Variants in MDN1 observed in about 807,000 individuals in gnomAD.
MDN1 encodes the protein midasin.
Under a neutral mutation model 669.2 loss-of-function variants are expected in MDN1, and 266 were observed. The ratio of observed to expected loss-of-function variants is 0.40; its 90% CI spans 0.36 to 0.44. MDN1 has a LOEUF of 0.44. Among genes scored for constraint, MDN1 ranks in the 20% least tolerant of loss-of-function variants. MDN1 has a pLI of 1.00. For missense variants in MDN1, 5,940 were observed against 6,754.0 expected (o/e 0.88, Z 4.22); for synonymous variants, 2,385 against 2,457.1 (o/e 0.97, Z 0.87).
chr6:89,735,016 A>G (rs7776210), intron 33 of MDN1, among the ~76,000 whole-genome samples: 128,311 of 151,532 alleles, frequency 0.85, 54,471 homozygotes, highest in East Asian at 1. Context: ...TCAGCCTCCC[A>G]AGTAGCTGGG....
rs374781307 is a variant in MDN1 at position 89,720,030 on chromosome 6, AAAAT to A, written c.5968-809_5968-806del. 4.8e-4 allele frequency among the ~76,000 whole-genome samples: 73 copies of A among 152,346 alleles called. 1 individual carries two copies. In the East Asian group the frequency reaches 8.7e-3, roughly 18 times the overall value. On this transcript the variant is annotated intron_variant, in intron 40 of 101. Transcript: ENST00000369393. Reference sequence around the variant, plus strand: ...AGTAGGGAAAATTAAAGCCAGAAAAAAAATAAATAAAGTATACAAAATAGTATTT... The same window carrying A: ...AGTAGGGAAAATTAAAGCCAGAAAAAAAATAAAGTATACAAAATAGTATTT...
chr6:89,796,341 A>AAAAAAAAAAAAAAAAAAAAAAAAC (rs1819607510), intron 2 of MDN1, among the ~76,000 whole-genome samples: 1 of 110,214 alleles, frequency 9.1e-6, no homozygotes, highest in Non-Finnish European at 1.8e-5. Flanking sequence ...AAAAAAAAAA[A>AAAAAAAAAAAAAAAAAAAAAAAAC]AAAAAAAAAC....
intron 78 of MDN1, among the ~76,000 whole-genome samples, chr6:89,675,002 T>A (rs1477565171): frequency 6.6e-6 from 1 of 152,238 alleles, no homozygotes; most frequent in Non-Finnish European, 1.5e-5. Flanking sequence ...TTTGTTTCCA[T>A]TGAGGAGCCT....
chr6:89,710,850 C>T (rs750321559), intron 49 of MDN1, 56 bp from the exon 50 acceptor site: 80 of 1,017,568 alleles, frequency 7.9e-5, no homozygotes, highest in Middle Eastern at 2.0e-4. Flanking sequence ...TCCAATTGAA[C>T]GTTCTGCAGT....
At chr6:89,673,606 G>A (rs568719247) in intron 79 of MDN1, 144 bp from the exon 80 acceptor site, 42 of 677,574 alleles carry the variant, frequency 6.2e-5, no homozygotes, top group South Asian at 6.0e-4. Flanking sequence ...ACAAAGTGCT[G>A]TGCAGGTCCA....
chr6:89,670,164 ATATATATTTTTTTTTT>A (rs1454747790), intron 83 of MDN1, among the ~76,000 whole-genome samples: 3 of 18,272 alleles, frequency 1.6e-4, no homozygotes, highest in African/African-American at 7.6e-4. Context: ...ATATATATAT[ATATATATTTTTTTTTT>A]TTTTTTTTTT....
chr6:89,817,262 T>C (rs1156981620), intron 1 of MDN1, among the ~76,000 whole-genome samples: 2 of 152,244 alleles, frequency 1.3e-5, no homozygotes, highest in African/African-American at 4.8e-5. Flanking sequence ...CCATGGTCAC[T>C]CACATTTAGC....
At chr6:89,755,203 A>G (rs1346210041) in intron 20 of MDN1, among the ~76,000 whole-genome samples, 1 of 152,122 alleles carries the variant, frequency 6.6e-6, no homozygotes, top group Non-Finnish European at 1.5e-5. Flanking sequence ...GTGGTAAACC[A>G]TTCTGAAGCA....
chr6:89,664,548 A>ATTAT lies in MDN1; in HGVS notation c.14171_14174dup (p.Asn4725LysfsTer2). On this transcript the variant is annotated stop_gained and frameshift_variant, in exon 85 of 102. Transcript: ENST00000369393. LOFTEE classifies it high-confidence loss of function. ...CAAAATCTTCCGACATCTCAATGGC[A>ATTAT]TTATCCTCGCCCTTAATATCAGATT... 6.2e-7 allele frequency: 1 copy of ATTAT among 1,614,040 alleles called. No individual in the cohort carries two copies. Among genetic ancestry groups the ATTAT allele is most frequent in the Non-Finnish European group, 8.5e-7 (1 of 1,179,896 alleles).
chr6:89,798,963 T>C (rs1767457614), intron 2 of MDN1, among the ~76,000 whole-genome samples: 2 of 152,300 alleles, frequency 1.3e-5, no homozygotes, highest in South Asian at 2.1e-4. Context: ...AAATAGGTAT[T>C]ATACTATTAG....
At position 89,688,161 on chromosome 6, in the gene MDN1, T is replaced by G. The variant is rs1812147028; in HGVS notation, c.11272A>C (p.Met3758Leu). The G allele has an allele frequency of 5.0e-6, 8 of 1,613,934 alleles. No individual in the cohort carries two copies. The highest frequency in any genetic ancestry group is 6.8e-6 in the Non-Finnish European group (8 of 1,179,878). Residue 3758 changes from methionine (M) to leucine (L), a missense_variant, in exon 67 of 102, where the codon ATG becomes CTG. Met to Leu is a conservative substitution (Grantham distance 15). Transcript: ENST00000369393. Reference protein sequence around the residue: ...HPALEQLLVVMDRIRSFPLSS... With the variant: ...HPALEQLLVVLDRIRSFPLSS... ...AGTGGGAAACTACGAATTCTGTCCA[T>G]TACAACCAGGAGCTGCAGAAATAAA...
intron 53 of MDN1, among the ~76,000 whole-genome samples, chr6:89,705,454 T>C (rs145884087): frequency 1.0e-3 from 154 of 152,288 alleles, no homozygotes; most frequent in African/African-American, 3.5e-3. Context: ...GTGACAATAA[T>C]GTCTAAGAGG....
chr6:89,815,174 C>T, intron 1 of MDN1: 2 of 382,014 alleles, frequency 5.2e-6, no homozygotes, highest in Non-Finnish European at 1.0e-5. Flanking sequence ...CCTGGACAGG[C>T]TCACGTGCCT....
At chr6:89,675,128 A>G (rs1198501566) in intron 78 of MDN1, among the ~76,000 whole-genome samples, 2 of 152,212 alleles carry the variant, frequency 1.3e-5, no homozygotes, top group Non-Finnish European at 2.9e-5. Context: ...ACAGAAGCCT[A>G]ACTATTGGCC....
At chr6:89,758,774 GGGCT>G in intron 18 of MDN1, 38 bp downstream of exon 18, 1 of 1,609,244 alleles carries the variant, frequency 6.2e-7, no homozygotes, top group Non-Finnish European at 8.5e-7. Context: ...AGTGGCCACA[GGGCT>G]TGACACCAAG....
At chr6:89,744,997 T>C (rs1312968306) in intron 29 of MDN1, among the ~76,000 whole-genome samples, 2 of 150,678 alleles carry the variant, frequency 1.3e-5, no homozygotes, top group African/African-American at 4.9e-5. Context: ...AGGGTACATG[T>C]GCAGAATGTG....
intron 1 of MDN1, among the ~76,000 whole-genome samples, chr6:89,816,766 C>T (rs1472943314): frequency 6.6e-6 from 1 of 151,112 alleles, no homozygotes; most frequent in African/African-American, 2.4e-5. Flanking sequence ...GTTCCACCTC[C>T]CGGGTTCACG....
chr6:89,795,454 T>G (rs1819532225), intron 2 of MDN1, among the ~76,000 whole-genome samples: 2 of 150,102 alleles, frequency 1.3e-5, no homozygotes, highest in Non-Finnish European at 3.0e-5. Flanking sequence ...AAAAAAAAAA[T>G]TAGTGGGGTA....
chr6:89,655,709 C>T, intron 92 of MDN1, 55 bp downstream of exon 92: 3 of 1,435,988 alleles, frequency 2.1e-6, no homozygotes, highest in Non-Finnish European at 2.9e-6. Flanking sequence ...TCACATAGCA[C>T]AAGCTCTCAT....
Sources: gnomAD v4.1 joint callset for allele counts (sites outside exome capture counted in the v4.1 genomes callset) on GRCh38, gnomAD v4.1.1 for gene constraint, MANE v1.5 for transcripts, NCBI Gene and HGNC (gene_info 2026-07-23, HGNC 2026-07-21) for gene names.